The following VRK3 variants were observed in gnomAD, a reference collection of about 807,000 sequenced individuals.
The protein encoded by VRK3 is VRK serine/threonine kinase 3, also known as serine/threonine-protein kinase VRK3.
VRK3 carries 50 observed loss-of-function variants against 60.4 expected under a neutral mutation model. The observed-to-expected ratio is 0.83, with a 90% CI of 0.66 to 1.05. The LOEUF (loss-of-function observed/expected upper bound fraction) is 1.05, where lower values mean the gene tolerates loss of function less well. VRK3 is among the 50% of genes least tolerant of loss of function. VRK3 has a pLI of 0.00. For missense variants in VRK3, 549 were observed against 585.3 expected (o/e 0.94, Z 0.64); for synonymous variants, 246 against 227.8 (o/e 1.08, Z -0.72).
chr19:49,990,668 T>C (rs140938877), intron 10 of VRK3, among the ~76,000 whole-genome samples: 5 of 152,326 alleles, frequency 3.3e-5, no homozygotes, highest in Admixed American at 3.3e-4. Flanking sequence ...TGGCTGCATC[T>C]TATTCCACCA....
chr19:49,982,042 C>T, intron 12 of VRK3: 1 of 677,164 alleles, frequency 1.5e-6, no homozygotes, highest in South Asian at 1.6e-5. Flanking sequence ...AGGTGGTCCC[C>T]CGGAGGCGGC....
intron 3 of VRK3, among the ~76,000 whole-genome samples, chr19:50,012,336 T>C (rs10407227): frequency 0.052 from 7,977 of 152,256 alleles, 688 homozygotes; most frequent in African/African-American, 0.18. Context: ...CCTGATTCCC[T>C]GAAAAGCATG....
chr19:50,009,467 T>C, intron 3 of VRK3, 82 bp from the exon 4 acceptor site: 2 of 1,537,934 alleles, frequency 1.3e-6, no homozygotes, highest in East Asian at 2.3e-5. Flanking sequence ...CCTGAGGTTA[T>C]ACTCAGCTAT....
chr19:50,000,996 C>T (rs557987619), intron 5 of VRK3, 142 bp from the exon 6 acceptor site: 3 of 663,704 alleles, frequency 4.5e-6, no homozygotes, highest in African/African-American at 1.9e-5. Context: ...TCACGACTTG[C>T]TGCTTCCTAG....
intron 14 of VRK3, chr19:49,978,421 TAC>T (rs2076367354): frequency 6.6e-6 from 1 of 152,360 alleles, no homozygotes; most frequent in South Asian, 2.1e-4. Context: ...CCTGCACGTT[TAC>T]ACAAAGTGCT....
intron 5 of VRK3, 171 bp from the exon 6 acceptor site, chr19:50,001,025 T>G: frequency 3.3e-6 from 2 of 604,060 alleles, no homozygotes; most frequent in Non-Finnish European, 5.8e-6. Context: ...AAGCTTCTTC[T>G]TCCTCTTTCT....
At chr19:50,020,691 T>C (rs2077157496) in intron 1 of VRK3, 44 bp from the exon 2 acceptor site, 1 of 152,248 alleles carries the variant, frequency 6.6e-6, no homozygotes, top group African/African-American at 2.4e-5. Context: ...TGCTTTCACA[T>C]AGAAATGAAA....
At position 50,018,677 on chromosome 19, in the gene VRK3, T is replaced by C. The variant is rs79363331; in HGVS notation, c.-2+1908A>G. The stretch of plus-strand genomic sequence containing the variant: ...AGACTAACTTAGTGATTTGTTGTCC[T>C]GCTAATAATATGTAAAATAACATCT... On this transcript the variant is annotated intron_variant, in intron 2 of 14. Transcript: ENST00000316763. Among the ~76,000 whole-genome samples the C allele has an allele frequency of 8.4e-3, 1,277 of 152,338 alleles. 17 individuals carry two copies. The highest frequency in any genetic ancestry group is 0.029 in the African/African-American group (1,226 of 41,578).
chr19:49,997,309 A>G, intron 7 of VRK3, 195 bp downstream of exon 7: 1 of 529,296 alleles, frequency 1.9e-6, no homozygotes, highest in South Asian at 3.0e-5. Context: ...GGCTTCCAAG[A>G]GCTGGTGTGA....
Position 49,995,728 on chromosome 19 carries a change from G to A in VRK3, c.680-453C>T, listed in dbSNP as rs146171427. 6.4e-4 allele frequency among the ~76,000 whole-genome samples: 97 copies of A among 152,270 alleles called. 1 individual carries two copies. In the East Asian group the frequency reaches 0.018, roughly 28 times the overall value. On this transcript the variant is annotated intron_variant, in intron 7 of 14. Coordinates refer to ENST00000316763, the MANE Select transcript of VRK3 (RefSeq NM_016440.4). ...CTGGCTATCCAGGGAAGGCAGTCCT[G>A]ATGGGTAGCATTTGCTAATTTCTTT...
chr19:49,989,046 T>C (rs1169962467), intron 11 of VRK3, among the ~76,000 whole-genome samples: 1 of 152,188 alleles, frequency 6.6e-6, no homozygotes, highest in Non-Finnish European at 1.5e-5. Flanking sequence ...CAAGCACTAC[T>C]TGTCCGTGCT....
intron 7 of VRK3, chr19:49,997,219 A>G: frequency 3.6e-6 from 1 of 276,764 alleles, no homozygotes; most frequent in Non-Finnish European, 6.9e-6. Flanking sequence ...TCCTGGCCTC[A>G]AGTGATCTGC....
intron 4 of VRK3, chr19:50,008,900 A>G (rs777306696): frequency 6.3e-5 from 14 of 222,208 alleles, no homozygotes; most frequent in South Asian, 6.2e-4. Flanking sequence ...TTAATCCCCA[A>G]AAGTGTTTTC....
Position 50,000,933 on chromosome 19 carries a change from G to A in VRK3, c.548-79C>T, listed in dbSNP as rs549122514. 54 of 1,391,178 alleles carry A rather than the reference G, an allele frequency of 3.9e-5. No individual in the cohort carries two copies. In the Admixed American group the frequency reaches 5.4e-4, roughly 14 times the overall value. 86.2% of individuals were successfully genotyped at this position (1,391,178 alleles called of 1,614,324 possible). On this transcript the variant is annotated intron_variant, in intron 5 of 14. Transcript: ENST00000316763. ...CATCATCCCCAAACTTCCCAGCAAT[G>A]AGAAGCGGCTCTGGTGCCCTGGTTC...
intron 1 of VRK3, among the ~76,000 whole-genome samples, chr19:50,023,735 TG>T (rs1260921315): frequency 6.9e-6 from 1 of 145,018 alleles, no homozygotes; most frequent in Non-Finnish European, 1.5e-5. Flanking sequence ...GCCAAGAAGG[TG>T]GGTGGGGGGG....
At position 49,976,608 on chromosome 19, in the gene VRK3, C is replaced by G. The variant is rs543543960; in HGVS notation, c.*188G>C. 6.6e-6 allele frequency: 1 copy of G among 152,630 alleles called. No individual in the cohort carries two copies. Among genetic ancestry groups the G allele is most frequent in the Non-Finnish European group, 1.5e-5 (1 of 68,042 alleles). The allele number at this position is 152,630 out of a possible 1,614,324, so 9.5% of individuals were successfully genotyped here. ...ACCAAGATGGGGAACTTCACATTCA[C>G]GGGAGGGAAACTGGGGCCCTCCGGG... On this transcript the variant is annotated 3_prime_UTR_variant, in exon 15 of 15. Transcript: ENST00000316763.
intron 11 of VRK3, 44 bp from the exon 12 acceptor site, chr19:49,988,536 C>G (rs1462903417): frequency 1.2e-6 from 2 of 1,600,542 alleles, no homozygotes; most frequent in African/African-American, 1.3e-5. Flanking sequence ...TCTGGACGCT[C>G]CACTCACTGG....
chr19:49,979,083 C>T lies in VRK3; in HGVS notation c.*11G>A. On this transcript the variant is annotated splice_region_variant and 3_prime_UTR_variant, in exon 14 of 15. Transcript: ENST00000316763. ...CTTAAGCCTCACAAGCTCTTCCCACCTGGATTCCACCTAGGGCACCATCGG... is the reference window on the plus strand; with the variant it reads ...CTTAAGCCTCACAAGCTCTTCCCACTTGGATTCCACCTAGGGCACCATCGG... 2.5e-6 allele frequency: 4 copies of T among 1,597,678 alleles called. No individual in the cohort carries two copies. The highest frequency in any genetic ancestry group is 1.1e-5 in the South Asian group (1 of 89,330).
At position 50,007,587 on chromosome 19, in the gene VRK3, G is replaced by A. The variant is rs367919607; in HGVS notation, c.529C>T (p.Gln177Ter). 8.1e-6 allele frequency: 13 copies of A among 1,614,110 alleles called. No homozygotes were observed. In the Admixed American group the frequency reaches 2.2e-4, roughly 27 times the overall value. The change falls in exon 5 of 15, where the codon CAG (glutamine) becomes TAG (stop). Residue 177 changes from glutamine to a stop codon, truncating the protein, a stop_gained. Transcript: ENST00000316763. LOFTEE classifies it high-confidence loss of function. ...KLKSFQTRDN[Q>*]GILYEAAPTS... ...AGTGTACCTTCATAGAGAATGCCCT[G>A]GTTGTCCCTGGTCTGGAAGGACTTC...
Sources: allele counts gnomAD v4.1 joint callset (sites outside exome capture counted in the v4.1 genomes callset), GRCh38; gene constraint gnomAD v4.1.1; transcripts MANE v1.5; gene names NCBI Gene and HGNC (gene_info 2026-07-23, HGNC 2026-07-21).